SAMD4B: variants seen among roughly 807,000 people sequenced by gnomAD.
SAMD4B encodes the protein protein Smaug homolog 2.
SAMD4B carries 5 observed loss-of-function variants against 74.5 expected under a neutral mutation model. The ratio of observed to expected loss-of-function variants is 0.07; its 90% confidence interval spans 0.04 to 0.14. The LOEUF (loss-of-function observed/expected upper bound fraction) is 0.14. Among genes scored for constraint, SAMD4B ranks in the 10% least tolerant of loss-of-function variants. The pLI is 1.00. For synonymous variants in SAMD4B, 373 were observed against 374.9 expected, an observed-to-expected ratio of 1.00 and a Z score of 0.06; for missense variants, 608 against 921.8, an observed-to-expected ratio of 0.66 and a Z score of 4.41.
Position 39,370,099 on chromosome 19 carries a change from A to T in SAMD4B, c.641A>T (p.Asn214Ile). ...TCCAGCTCAGTGCCGCCAGCCATCA[A>T]CAGTATTGGGAGCAATGCAAACACA... Reference protein sequence around the residue: ...HPSSSVPPAINSIGSNANTGL... With the variant: ...HPSSSVPPAIISIGSNANTGL... Residue 214 changes from asparagine to isoleucine, a missense_variant, in exon 4 of 14, where the codon AAC (asparagine) becomes ATC (isoleucine). Physicochemically the swap from Asn to Ile is moderately radical, Grantham distance 149 (BLOSUM62 -3). Coordinates refer to ENST00000610417, the MANE Select transcript of SAMD4B (RefSeq NM_001384574.2). The T allele has an allele frequency of 1.2e-6, 2 of 1,600,696 alleles. No homozygotes were observed. Among genetic ancestry groups the T allele is most frequent in the Non-Finnish European group, 1.7e-6 (2 of 1,173,618 alleles).
At position 39,375,760 on chromosome 19, in the gene SAMD4B, G is replaced by C; in HGVS notation, c.778G>C (p.Ala260Pro). The change falls in exon 5 of 14, where the codon GCT becomes CCT. Residue 260 changes from alanine to proline, a missense_variant. Ala to Pro is a conservative substitution (Grantham distance 27). Coordinates refer to ENST00000610417, the MANE Select transcript of SAMD4B (RefSeq NM_001384574.2). This position sits in a 1 kb window ranked among gnomAD's most constrained non-coding sequence, Gnocchi z 4.1. Reference sequence around the variant, plus strand: ...GAGTCCAGAGGAGCTTGGGGCCCGGGCTGCTTTTACCACGCCCGATCACGC... The same window carrying C: ...GAGTCCAGAGGAGCTTGGGGCCCGGCCTGCTTTTACCACGCCCGATCACGC... ...WPSPEELGAR[A>P]AFTTPDHAPL... 4 of 1,614,178 alleles carry C rather than the reference G, an allele frequency of 2.5e-6. No homozygotes were observed. In the South Asian group the frequency reaches 3.3e-5, roughly 13 times the overall value.
intron 3 of SAMD4B, among the ~76,000 whole-genome samples, chr19:39,367,507 C>CTTT (rs572713498): frequency 1.8e-4 from 20 of 110,798 alleles, no homozygotes; most frequent in Non-Finnish European, 2.6e-4. Context: ...TTTTCTTTTT[C>CTTT]TTTTTTTTTT....
intron 4 of SAMD4B, 86 bp downstream of exon 4, chr19:39,370,211 TTAGA>T: frequency 7.6e-7 from 1 of 1,317,142 alleles, no homozygotes. Context: ...CTCTGTGGCA[TTAGA>T]CAAGTCACAT....
chr19:39,359,853 C>G (rs1318740527), intron 3 of SAMD4B: 1 of 152,168 alleles, frequency 6.6e-6, no homozygotes, highest in Non-Finnish European at 1.5e-5. Flanking sequence ...TCCTCAGATT[C>G]TGCAGAACTG....
chr19:39,354,097 C>T (rs2076208960), intron 2 of SAMD4B, 31 bp downstream of exon 2: 1 of 152,184 alleles, frequency 6.6e-6, no homozygotes. Flanking sequence ...CTCACCCAGT[C>T]CCGCTCCTTA....
Position 39,383,856 on chromosome 19 carries a change from C to A in SAMD4B, c.*329C>A. 1.4e-6 allele frequency: 1 copy of A among 738,860 alleles called. No individual in the cohort carries two copies. The highest frequency in any genetic ancestry group is 2.2e-6 in the Non-Finnish European group (1 of 454,694). The allele number at this position is 738,860 out of a possible 1,614,324, so 45.8% of individuals were successfully genotyped here. The stretch of plus-strand genomic sequence containing the variant: ...CCCCTGCCTCCTCCAGACCGCTGAC[C>A]ACCTGCCTCTCCCCAAGGGAGCAGA... On this transcript the variant is annotated 3_prime_UTR_variant, in exon 14 of 14. Coordinates refer to ENST00000610417, the MANE Select transcript of SAMD4B (RefSeq NM_001384574.2). This position sits in a 1 kb window ranked among gnomAD's most constrained non-coding sequence, Gnocchi z 4.1.
At chr19:39,374,122 T>C (rs1449290155) in intron 4 of SAMD4B, among the ~76,000 whole-genome samples, 2 of 151,660 alleles carry the variant, frequency 1.3e-5, no homozygotes, top group African/African-American at 4.8e-5. Context: ...ACGAAAAACA[T>C]TAGCTGGGCA....
intron 1 of SAMD4B, chr19:39,349,939 GA>G (rs2075931375): frequency 6.6e-6 from 1 of 152,214 alleles, no homozygotes; most frequent in Non-Finnish European, 1.5e-5. Flanking sequence ...CAAGAGCTCT[GA>G]AGCCAGACTG....
Position 39,378,366 on chromosome 19 carries a change from C to CCATG in SAMD4B, c.1445-137_1445-134dup. ...GTATATCCTCATGATAACCCAAATA[C>CCATG]CATGGCTAGCACTTAATAGTTGATA... On this transcript the variant is annotated intron_variant, in intron 8 of 13. Coordinates refer to ENST00000610417, the MANE Select transcript of SAMD4B (RefSeq NM_001384574.2). The surrounding 1 kb of genome is among the most constrained non-coding windows in gnomAD (Gnocchi z 4.4). 1 of 680,332 alleles carries CCATG rather than the reference C, an allele frequency of 1.5e-6. No homozygotes were observed. The highest frequency in any genetic ancestry group is 2.6e-6 in the Non-Finnish European group (1 of 386,518). 42.1% of individuals were successfully genotyped at this position (680,332 alleles called of 1,614,324 possible).
chr19:39,381,299 C>G (rs2077969759), intron 12 of SAMD4B, 186 bp downstream of exon 12: 3 of 635,950 alleles, frequency 4.7e-6, no homozygotes, highest in Middle Eastern at 3.0e-4. Context: ...TCAATTTTAT[C>G]TCTCAGGTCT....
intron 3 of SAMD4B, among the ~76,000 whole-genome samples, chr19:39,359,029 A>G (rs575519016): frequency 4.6e-5 from 7 of 152,360 alleles, no homozygotes; most frequent in Non-Finnish European, 7.3e-5. Flanking sequence ...GTAAGTTCTT[A>G]GTCCTAGACA....
Position 39,377,543 on chromosome 19 carries a change from T to C in SAMD4B, c.1163T>C (p.Ile388Thr), listed in dbSNP as rs1435018450. Residue 388 changes from isoleucine (I) to threonine (T), a missense_variant, in exon 8 of 14, where the codon ATC becomes ACC. Ile to Thr is a moderately conservative substitution (Grantham distance 89). Transcript: ENST00000610417. ...CTGCAGGAGCTGCAGCAGATCATCA[T>C]CACTCCCATCAAGGCCTACAGTGTC... Reference protein sequence around the residue: ...NALQELQQIIITPIKAYSVLQ... With the variant: ...NALQELQQIITTPIKAYSVLQ... 1.2e-6 allele frequency: 2 copies of C among 1,604,894 alleles called. No homozygotes were observed. Among genetic ancestry groups the C allele is most frequent in the East Asian group, 2.2e-5 (1 of 44,590 alleles).
At chr19:39,355,400 C>T (rs1021663573) in intron 2 of SAMD4B, among the ~76,000 whole-genome samples, 3 of 152,212 alleles carry the variant, frequency 2.0e-5, no homozygotes, top group Non-Finnish European at 4.4e-5. Flanking sequence ...CAAGTCACAG[C>T]TGTTGCCTAA....
chr19:39,349,795 C>T (rs770458726), intron 1 of SAMD4B: 29 of 152,226 alleles, frequency 1.9e-4, no homozygotes, highest in Non-Finnish European at 4.0e-4. Context: ...GCCCTTAGGC[C>T]CAACTTTCAC....
chr19:39,357,807 G>A (rs2076415427), intron 3 of SAMD4B, among the ~76,000 whole-genome samples: 1 of 152,208 alleles, frequency 6.6e-6, no homozygotes, highest in Non-Finnish European at 1.5e-5. Flanking sequence ...CCAAAGAAGA[G>A]GGAGGGTAGT....
At chr19:39,367,693 G>C (rs2077047056) in intron 3 of SAMD4B, among the ~76,000 whole-genome samples, 1 of 151,078 alleles carries the variant, frequency 6.6e-6, no homozygotes, top group Admixed American at 6.6e-5. Flanking sequence ...ATTTTTAGTA[G>C]AGACAGGCTT....
chr19:39,376,605 C>T, intron 6 of SAMD4B, 59 bp downstream of exon 6: 1 of 1,577,350 alleles, frequency 6.3e-7, no homozygotes, highest in Non-Finnish European at 8.7e-7. Flanking sequence ...GGCATCCTTG[C>T]AGCCCAAGCC....
At chr19:39,381,265 G>A in intron 12 of SAMD4B, 152 bp downstream of exon 12, 1 of 918,952 alleles carries the variant, frequency 1.1e-6, no homozygotes, top group Non-Finnish European at 1.6e-6. Context: ...CCCCAATTGT[G>A]GGGGGTTGTT....
In SAMD4B at chr19:39,383,046, T is replaced by G. The variant is rs1372766553; in HGVS notation, c.1973-162T>G. ...TTGCCATTGTCTCCTCTGCCTGTTGTGTGACACGCTCGCCTCTCTCCCTGT... is the reference window on the plus strand; with the variant it reads ...TTGCCATTGTCTCCTCTGCCTGTTGGGTGACACGCTCGCCTCTCTCCCTGT... On this transcript the variant is annotated intron_variant, in intron 12 of 13. Coordinates refer to ENST00000610417, the MANE Select transcript of SAMD4B (RefSeq NM_001384574.2). The surrounding 1 kb of genome is among the most constrained non-coding windows in gnomAD (Gnocchi z 4.1). Among the ~76,000 whole-genome samples the G allele has an allele frequency of 1.3e-5, 2 of 152,140 alleles. No homozygotes were observed. Among genetic ancestry groups the G allele is most frequent in the African/African-American group, 2.4e-5 (1 of 41,414 alleles).
Sources: gnomAD v4.1 joint callset for allele counts (sites outside exome capture counted in the v4.1 genomes callset) on GRCh38, gnomAD v4.1.1 for gene constraint, Gnocchi (gnomAD v3.1) non-coding constraint, MANE v1.5 for transcripts, NCBI Gene and HGNC (gene_info 2026-07-23, HGNC 2026-07-21) for gene names.